Variants in IQSEC1 observed in about 807,000 individuals in gnomAD.
The protein encoded by IQSEC1 is IQ motif and Sec7 domain ArfGEF 1, also known as IQ motif and SEC7 domain-containing protein 1.
A neutral mutation model predicts 91.0 loss-of-function variants in IQSEC1; 31 were observed. The observed-to-expected ratio is 0.34, with a 90% CI of 0.26 to 0.46. The LOEUF (loss-of-function observed/expected upper bound fraction) is 0.46, where lower values mean the gene tolerates loss of function less well. Ranked by LOEUF, IQSEC1 falls within the 20% of genes least tolerant of loss-of-function variation. The pLI is 1.00. For missense variants in IQSEC1, 1,388 were observed against 1,575.6 expected (o/e 0.88, Z 2.02); for synonymous variants, 699 against 662.6 (o/e 1.05, Z -0.84).
chr3:12,954,791 C>T (rs1042197000), intron 1 of IQSEC1, among the ~76,000 whole-genome samples: 1 of 152,204 alleles, frequency 6.6e-6, no homozygotes, highest in Non-Finnish European at 1.5e-5. Context: ...CTGCTAGTGA[C>T]TTGGGGACCT....
chr3:13,016,685 C>G (rs1202993258), intron 1 of IQSEC1, among the ~76,000 whole-genome samples: 2 of 152,218 alleles, frequency 1.3e-5, no homozygotes, highest in Non-Finnish European at 2.9e-5. Context: ...ACTCACTCCA[C>G]CCTGTCACTC....
intron 6 of IQSEC1, among the ~76,000 whole-genome samples, chr3:12,917,213 C>CA (rs903198794): frequency 6.6e-6 from 1 of 152,178 alleles, no homozygotes; most frequent in African/African-American, 2.4e-5. Flanking sequence ...CAGAGTGCTC[C>CA]ATTGGCACAA....
At chr3:13,068,009 G>A (rs1034112996) in intron 1 of IQSEC1, among the ~76,000 whole-genome samples, 1 of 152,242 alleles carries the variant, frequency 6.6e-6, no homozygotes, top group African/African-American at 2.4e-5. Context: ...CTGCTTGCTG[G>A]CCCGCAGGCA....
At chr3:13,237,677 T>C (rs999343435) in intron 1 of IQSEC1, among the ~76,000 whole-genome samples, 1 of 152,222 alleles carries the variant, frequency 6.6e-6, no homozygotes, top group Non-Finnish European at 1.5e-5. Context: ...GCCCTGCCCT[T>C]GGAGATGGTG....
At chr3:13,050,157 A>G (rs1236474140) in intron 1 of IQSEC1, among the ~76,000 whole-genome samples, 1 of 149,724 alleles carries the variant, frequency 6.7e-6, no homozygotes, top group African/African-American at 2.5e-5. Flanking sequence ...TATAGCTAGG[A>G]CTGGCTCTGA....
intron 2 of IQSEC1, among the ~76,000 whole-genome samples, chr3:13,101,349 C>T (rs1311956238): frequency 2.7e-5 from 4 of 149,184 alleles, no homozygotes; most frequent in African/African-American, 7.5e-5. Flanking sequence ...GGCGTGGTGG[C>T]GGGCGTCTCC....
intron 1 of IQSEC1, among the ~76,000 whole-genome samples, chr3:12,989,407 GAC>G (rs1241784287): frequency 3.3e-5 from 5 of 152,352 alleles, no homozygotes; most frequent in South Asian, 4.1e-4. Context: ...GTATGATACT[GAC>G]ACACTTTCAC....
intron 3 of IQSEC1, among the ~76,000 whole-genome samples, chr3:12,925,847 G>C (rs1168868397): frequency 6.6e-6 from 1 of 152,360 alleles, no homozygotes; most frequent in East Asian, 1.9e-4. Flanking sequence ...CAGGGACATG[G>C]CACTGACCTT....
At chr3:13,258,063 C>A (rs1695322136) in intron 1 of IQSEC1, among the ~76,000 whole-genome samples, 1 of 152,106 alleles carries the variant, frequency 6.6e-6, no homozygotes, top group Non-Finnish European at 1.5e-5. Context: ...AAGAAGGTGA[C>A]CTGGAGGGAG....
chr3:13,039,657 C>T (rs949294361), intron 1 of IQSEC1, among the ~76,000 whole-genome samples: 1 of 152,206 alleles, frequency 6.6e-6, no homozygotes, highest in African/African-American at 2.4e-5. Flanking sequence ...CTGAGCATCC[C>T]CCTTTCCCCA....
At chr3:13,105,885 T>A (rs952925133) in intron 2 of IQSEC1, among the ~76,000 whole-genome samples, 4 of 152,316 alleles carry the variant, frequency 2.6e-5, no homozygotes, top group Admixed American at 2.6e-4. Context: ...GGCTTAAAAT[T>A]AAAATGATTT....
Position 12,970,847 on chromosome 3 carries a change from A to T in IQSEC1, c.24-28982T>A, listed in dbSNP as rs899754273. 6.6e-6 allele frequency among the ~76,000 whole-genome samples: 1 copy of T among 152,184 alleles called. No homozygotes were observed. Among genetic ancestry groups the T allele is most frequent in the Non-Finnish European group, 1.5e-5 (1 of 68,030 alleles). ...CTGCACCTGCTTGCTTATACCAGTG[A>T]GCTGTATTCCAACTGCCAGGGCTGG... On this transcript the variant is annotated intron_variant, in intron 1 of 13. Coordinates refer to ENST00000613206, the MANE Select transcript of IQSEC1 (RefSeq NM_001134382.3). This position sits in a 1 kb window ranked among gnomAD's most constrained non-coding sequence, Gnocchi z 4.4.
chr3:13,107,807 G>A (rs571024245), intron 2 of IQSEC1, among the ~76,000 whole-genome samples: 60 of 152,272 alleles, frequency 3.9e-4, no homozygotes, highest in African/African-American at 1.4e-3. Context: ...ACGGTGATGC[G>A]GTCCTTGCTT....
At chr3:13,258,348 A>C (rs1409553827) in intron 1 of IQSEC1, among the ~76,000 whole-genome samples, 1 of 152,210 alleles carries the variant, frequency 6.6e-6, no homozygotes, top group African/African-American at 2.4e-5. Flanking sequence ...AAAGACTATT[A>C]ACAAACAGCA....
intron 2 of IQSEC1, among the ~76,000 whole-genome samples, chr3:13,092,823 C>T (rs1705887180): frequency 6.6e-6 from 1 of 152,242 alleles, no homozygotes; most frequent in Non-Finnish European, 1.5e-5. Flanking sequence ...CCCCTCCTCA[C>T]TCTGCTCCAG....
chr3:13,071,358 A>G (rs1443940141), intron 1 of IQSEC1, among the ~76,000 whole-genome samples: 1 of 152,070 alleles, frequency 6.6e-6, no homozygotes, highest in Non-Finnish European at 1.5e-5. Context: ...CATTGGAGGC[A>G]AGCAGGCACT....
intron 2 of IQSEC1, among the ~76,000 whole-genome samples, chr3:13,144,189 C>A (rs1366536249): frequency 6.6e-6 from 1 of 152,202 alleles, no homozygotes; most frequent in Admixed American, 6.5e-5. Context: ...GGTACCAACC[C>A]CTGTCCCCTC....
chr3:13,181,036 C>T (rs1357327222), intron 1 of IQSEC1, among the ~76,000 whole-genome samples: 1 of 152,172 alleles, frequency 6.6e-6, no homozygotes, highest in Non-Finnish European at 1.5e-5. Context: ...CTTTGGGAGG[C>T]TGAGGCGGGC....
At chr3:12,976,558 G>A (rs972518327) in intron 1 of IQSEC1, among the ~76,000 whole-genome samples, 49 of 151,188 alleles carry the variant, frequency 3.2e-4, no homozygotes, top group African/African-American at 1.1e-3. Context: ...AGGGCTCTAC[G>A]ACAATACATG....
Sources: allele counts gnomAD v4.1 joint callset (sites outside exome capture counted in the v4.1 genomes callset), GRCh38; gene constraint gnomAD v4.1.1; non-coding constraint Gnocchi (gnomAD v3.1); transcripts MANE v1.5; gene names NCBI Gene and HGNC (gene_info 2026-07-23, HGNC 2026-07-21).